The following PPP2R5E variants were observed in gnomAD, a reference collection of about 807,000 sequenced individuals.
The protein encoded by PPP2R5E is protein phosphatase 2 regulatory subunit B'epsilon, also known as serine/threonine-protein phosphatase 2A 56 kDa regulatory subunit epsilon isoform.
In PPP2R5E, 4 loss-of-function variants were observed where a neutral mutation model predicts 65.3. That is an observed-to-expected ratio of 0.06 (90% CI 0.03 to 0.14). PPP2R5E has a LOEUF of 0.14. Among genes scored for constraint, PPP2R5E ranks in the 10% least tolerant of loss-of-function variants. The pLI is 1.00. For missense variants in PPP2R5E, 274 were observed against 556.1 expected, an observed-to-expected ratio of 0.49 and a Z score of 5.10; for synonymous variants, 183 against 187.4, an observed-to-expected ratio of 0.98 and a Z score of 0.19.
At chr14:63,534,388 C>A (rs921685082) in intron 2 of PPP2R5E, among the ~76,000 whole-genome samples, 16 of 152,210 alleles carry the variant, frequency 1.1e-4, no homozygotes, top group Non-Finnish European at 1.9e-4. Flanking sequence ...CCTCAGCCTC[C>A]TGAGTAGCTG....
intron 2 of PPP2R5E, among the ~76,000 whole-genome samples, chr14:63,462,126 A>G (rs1012735254): frequency 6.6e-6 from 1 of 150,822 alleles, no homozygotes; most frequent in Non-Finnish European, 1.5e-5. Context: ...GCTGAAGTGC[A>G]GTGGTGCAAT....
chr14:63,460,631 T>C (rs753367121), intron 2 of PPP2R5E, among the ~76,000 whole-genome samples: 31 of 149,412 alleles, frequency 2.1e-4, no homozygotes, highest in Non-Finnish European at 4.1e-4. Flanking sequence ...AAGTTTTAGA[T>C]AATAATAACA....
intron 3 of PPP2R5E, among the ~76,000 whole-genome samples, chr14:63,430,393 A>ACATACATACATACATG (rs1887598066): frequency 7.2e-6 from 1 of 138,924 alleles, no homozygotes; most frequent in African/African-American, 3.1e-5. Flanking sequence ...ATACATACAT[A>ACATACATACATACATG]CATACATGCA....
chr14:63,411,701 C>G lies in PPP2R5E; in HGVS notation c.549+3439G>C, dbSNP rs116922214. On this transcript the variant is annotated intron_variant, in intron 5 of 13. Coordinates refer to ENST00000337537, the MANE Select transcript of PPP2R5E (RefSeq NM_006246.5). ...AAAAAAAAGCCTGACACCTCTGCCC[C>G]CTCTGTCTTGCTCCTCTCTCACCAC... Among the ~76,000 whole-genome samples, 75 of 151,478 alleles carry G rather than the reference C, an allele frequency of 5.0e-4. 2 individuals are homozygous for G. In the East Asian group the frequency reaches 0.01, roughly 20 times the overall value.
At chr14:63,466,257 A>G (rs976826702) in intron 2 of PPP2R5E, among the ~76,000 whole-genome samples, 2 of 147,626 alleles carry the variant, frequency 1.4e-5, no homozygotes, top group Non-Finnish European at 3.0e-5. Flanking sequence ...CTTAAAAAAA[A>G]AAAGTTTTAA....
At chr14:63,442,410 T>C (rs1383973176) in intron 3 of PPP2R5E, among the ~76,000 whole-genome samples, 3 of 151,948 alleles carry the variant, frequency 2.0e-5, no homozygotes, top group African/African-American at 7.3e-5. Context: ...CTTTTGCTAT[T>C]AATGCATATC....
rs574025559 is a variant in PPP2R5E, at chr14:63,484,711, T to C, written c.158-30826A>G. Among the ~76,000 whole-genome samples, 6 of 152,312 alleles carry C rather than the reference T, an allele frequency of 3.9e-5. No individual in the cohort carries two copies. The East Asian group carries it at 9.6e-4, about 24-fold the overall frequency. On this transcript the variant is annotated intron_variant, in intron 2 of 13. Coordinates refer to ENST00000337537, the MANE Select transcript of PPP2R5E (RefSeq NM_006246.5). ...GTTCTAAGTCTAGGCCAGGTATATTTTCAAAGTCCTTCACACTTTCCTTAA... is the reference window on the plus strand; with the variant it reads ...GTTCTAAGTCTAGGCCAGGTATATTCTCAAAGTCCTTCACACTTTCCTTAA...
At chr14:63,490,472 T>TA (rs1227778662) in intron 2 of PPP2R5E, among the ~76,000 whole-genome samples, 2 of 151,702 alleles carry the variant, frequency 1.3e-5, no homozygotes, top group African/African-American at 2.4e-5. Flanking sequence ...TGGGAGAAAA[T>TA]ATCTGCAAAC....
chr14:63,515,242 A>G (rs1257217649), intron 2 of PPP2R5E, among the ~76,000 whole-genome samples: 1 of 152,228 alleles, frequency 6.6e-6, no homozygotes, highest in Non-Finnish European at 1.5e-5. Context: ...GTTGAAGTCA[A>G]ACAGTATACA....
intron 12 of PPP2R5E, 93 bp downstream of exon 12, chr14:63,384,351 G>A: frequency 1.4e-6 from 2 of 1,425,028 alleles, no homozygotes; most frequent in South Asian, 2.4e-5. Flanking sequence ...TACGTCTTCA[G>A]CAACAAGGAC....
intron 2 of PPP2R5E, among the ~76,000 whole-genome samples, chr14:63,518,110 C>T (rs1892738400): frequency 6.6e-6 from 1 of 152,228 alleles, no homozygotes; most frequent in Non-Finnish European, 1.5e-5. Context: ...GGATCTCACT[C>T]TGTCACCCAG....
At chr14:63,478,858 C>T (rs1890548864) in intron 2 of PPP2R5E, among the ~76,000 whole-genome samples, 1 of 152,180 alleles carries the variant, frequency 6.6e-6, no homozygotes, top group Non-Finnish European at 1.5e-5. Context: ...TACGGTGGCT[C>T]ATGCCTGTAA....
At position 63,373,772 on chromosome 14, in the gene PPP2R5E, G is replaced by A. The variant is rs2139716138; in HGVS notation, c.*2237C>T. ...GAGCAGAGATTCTTCATAAACCTGT[G>A]ATTTTAATGTCTTCTACCTAAAAAG... On this transcript the variant is annotated 3_prime_UTR_variant, in exon 14 of 14. Transcript: ENST00000337537. The A allele has an allele frequency of 6.6e-6, 1 of 152,138 alleles. No homozygotes were observed. Among genetic ancestry groups the A allele is most frequent in the Admixed American group, 6.5e-5 (1 of 15,288 alleles). 9.4% of individuals were successfully genotyped at this position (152,138 alleles called of 1,614,324 possible). A position where few individuals can be genotyped will look rare whatever the true frequency, so the allele number is the denominator to read the frequency against.
chr14:63,415,102 T>C (rs2139861596), intron 5 of PPP2R5E, 38 bp downstream of exon 5: 3 of 1,435,128 alleles, frequency 2.1e-6, no homozygotes, highest in East Asian at 2.3e-5. Flanking sequence ...AAGTGTTAAC[T>C]GGATGACAAA....
At chr14:63,440,514 T>G (rs985524238) in intron 3 of PPP2R5E, among the ~76,000 whole-genome samples, 54 of 151,984 alleles carry the variant, frequency 3.6e-4, no homozygotes, top group African/African-American at 1.2e-3. Flanking sequence ...ATCAAAGGCT[T>G]TTTTACTTTT....
intron 5 of PPP2R5E, among the ~76,000 whole-genome samples, chr14:63,400,195 T>C (rs1885666529): frequency 6.6e-6 from 1 of 152,236 alleles, no homozygotes; most frequent in Admixed American, 6.5e-5. Context: ...GTGGGCGAGC[T>C]GTCAGGGATA....
chr14:63,533,005 A>T (rs1257702777), intron 2 of PPP2R5E, among the ~76,000 whole-genome samples: 2 of 151,714 alleles, frequency 1.3e-5, no homozygotes, highest in African/African-American at 4.8e-5. Flanking sequence ...CTAATTTTTT[A>T]TTGTATTTTT....
chr14:63,526,008 C>T (rs1200811036), intron 2 of PPP2R5E, among the ~76,000 whole-genome samples: 4 of 152,182 alleles, frequency 2.6e-5, no homozygotes, highest in East Asian at 1.9e-4. Context: ...AGGCACCTAC[C>T]ACCACACCTG....
chr14:63,517,016 G>C (rs140639871), intron 2 of PPP2R5E, among the ~76,000 whole-genome samples: 1 of 152,042 alleles, frequency 6.6e-6, no homozygotes, highest in Non-Finnish European at 1.5e-5. Flanking sequence ...AGCATACAAA[G>C]AGATCAACTT....
Sources: allele counts gnomAD v4.1 joint callset (sites outside exome capture counted in the v4.1 genomes callset), GRCh38; gene constraint gnomAD v4.1.1; transcripts MANE v1.5; gene names NCBI Gene and HGNC (gene_info 2026-07-23, HGNC 2026-07-21).